Variants in KCNT2 observed in about 807,000 individuals in gnomAD.
The protein encoded by KCNT2 is potassium sodium-activated channel subfamily T member 2.
A neutral mutation model predicts 153.8 loss-of-function variants in KCNT2; 67 were observed. That is an observed-to-expected ratio of 0.44 (90% CI 0.36 to 0.53). KCNT2 has a LOEUF of 0.53. KCNT2 is among the 20% of genes least tolerant of loss of function. The pLI is 0.00. For missense variants in KCNT2, 975 were observed against 1,354.8 expected (o/e 0.72, Z 4.40); for synonymous variants, 500 against 458.8 (o/e 1.09, Z -1.15).
intron 11 of KCNT2, among the ~76,000 whole-genome samples, chr1:196,424,881 C>T (rs1673517584): frequency 6.6e-6 from 1 of 151,576 alleles, no homozygotes; most frequent in South Asian, 2.1e-4. Flanking sequence ...GACACACACA[C>T]ACACATACAC....
chr1:196,566,647 T>C (rs1660148798), intron 1 of KCNT2, among the ~76,000 whole-genome samples: 1 of 152,032 alleles, frequency 6.6e-6, no homozygotes, highest in Non-Finnish European at 1.5e-5. Flanking sequence ...TTACCCATAG[T>C]TTCACAATGA....
chr1:196,474,210 A>C (rs1207411990), intron 5 of KCNT2, among the ~76,000 whole-genome samples: 1 of 152,142 alleles, frequency 6.6e-6, no homozygotes, highest in African/African-American at 2.4e-5. Context: ...TGGAACTACT[A>C]TCTGTGCAAC....
chr1:196,404,096 T>C (rs1050150594), intron 12 of KCNT2: 3 of 909,628 alleles, frequency 3.3e-6, no homozygotes, highest in African/African-American at 3.6e-5. Context: ...AAAATACTAA[T>C]AGATACTAAA....
intron 8 of KCNT2, among the ~76,000 whole-genome samples, chr1:196,431,207 C>T (rs1007012042): frequency 5.9e-5 from 9 of 152,078 alleles, no homozygotes; most frequent in Admixed American, 1.3e-4. Flanking sequence ...ATAAATTACC[C>T]AGTCTCAAGT....
intron 2 of KCNT2, 136 bp from the exon 3 acceptor site, chr1:196,490,073 C>T: frequency 2.3e-6 from 1 of 434,678 alleles, no homozygotes. Flanking sequence ...ATTGTCTAAA[C>T]TCTCTGAAGT....
intron 25 of KCNT2, among the ~76,000 whole-genome samples, chr1:196,273,035 T>C (rs980358338): frequency 2.0e-5 from 3 of 151,846 alleles, no homozygotes; most frequent in Non-Finnish European, 2.9e-5. Context: ...CTGAAATAAA[T>C]CAGTCTGAAA....
intron 8 of KCNT2, among the ~76,000 whole-genome samples, chr1:196,452,066 TCA>T (rs1676259659): frequency 6.6e-6 from 1 of 151,984 alleles, no homozygotes; most frequent in African/African-American, 2.4e-5. Context: ...AAGTTTAAAT[TCA>T]CACAGACTTA....
chr1:196,511,333 G>T (rs1316932768), intron 1 of KCNT2, among the ~76,000 whole-genome samples: 1 of 152,056 alleles, frequency 6.6e-6, no homozygotes, highest in East Asian at 1.9e-4. Flanking sequence ...ACCTTCCAAA[G>T]AAATCTCCTA....
chr1:196,239,233 C>T (rs529744624), intron 26 of KCNT2, among the ~76,000 whole-genome samples: 17 of 151,608 alleles, frequency 1.1e-4, no homozygotes, highest in South Asian at 6.2e-4. Context: ...AACCAAAATA[C>T]GACATTAGCA....
At chr1:196,603,537 C>A (rs1309143378) in intron 1 of KCNT2, among the ~76,000 whole-genome samples, 1 of 152,060 alleles carries the variant, frequency 6.6e-6, no homozygotes, top group Non-Finnish European at 1.5e-5. Flanking sequence ...ATTCCAAATG[C>A]TGTGGAAATA....
intron 8 of KCNT2, among the ~76,000 whole-genome samples, chr1:196,455,796 T>C (rs1676617418): frequency 6.6e-6 from 1 of 152,006 alleles, no homozygotes; most frequent in Non-Finnish European, 1.5e-5. Flanking sequence ...TCTTTGCTCC[T>C]GGGGGCCAGC....
intron 21 of KCNT2, among the ~76,000 whole-genome samples, chr1:196,312,323 C>T (rs1662264182): frequency 6.6e-6 from 1 of 151,586 alleles, no homozygotes; most frequent in Non-Finnish European, 1.5e-5. Flanking sequence ...TTTGGAACCT[C>T]TGGACTGGAG....
chr1:196,589,651 T>A (rs1158125077), intron 1 of KCNT2, among the ~76,000 whole-genome samples: 1 of 152,112 alleles, frequency 6.6e-6, no homozygotes, highest in African/African-American at 2.4e-5. Context: ...TGTGTATTTG[T>A]GACATTTATT....
intron 14 of KCNT2, among the ~76,000 whole-genome samples, chr1:196,363,644 A>G (rs1667805814): frequency 6.6e-6 from 1 of 152,146 alleles, no homozygotes; most frequent in African/African-American, 2.4e-5. Context: ...CCTCCTCATT[A>G]GCTCCCTTTA....
chr1:196,323,790 A>G (rs773992376), intron 19 of KCNT2, among the ~76,000 whole-genome samples: 1 of 151,834 alleles, frequency 6.6e-6, no homozygotes, highest in Non-Finnish European at 1.5e-5. Flanking sequence ...ACTCATGTGA[A>G]TTTTAAGTCA....
At chr1:196,599,240 A>AAT (rs1163508220) in intron 1 of KCNT2, among the ~76,000 whole-genome samples, 1 of 152,250 alleles carries the variant, frequency 6.6e-6, no homozygotes, top group Non-Finnish European at 1.5e-5. Flanking sequence ...AGTTGTTTAT[A>AAT]ATATGTGGAC....
At chr1:196,544,370 T>C (rs1656791443) in intron 1 of KCNT2, among the ~76,000 whole-genome samples, 1 of 151,904 alleles carries the variant, frequency 6.6e-6, no homozygotes, top group Non-Finnish European at 1.5e-5. Context: ...CCCACCTAAA[T>C]TGATGGTCTT....
At chr1:196,375,207 A>G (rs981122829) in intron 13 of KCNT2, among the ~76,000 whole-genome samples, 4 of 151,086 alleles carry the variant, frequency 2.6e-5, no homozygotes, top group African/African-American at 9.8e-5. Context: ...TGTACTAATC[A>G]GAGAAAATTA....
In KCNT2 at chr1:196,608,312, T is replaced by C; in HGVS notation, c.-3A>G. The C allele has an allele frequency of 6.2e-7, 1 of 1,611,262 alleles. No individual in the cohort carries two copies. Among genetic ancestry groups the C allele is most frequent in the Non-Finnish European group, 8.5e-7 (1 of 1,177,432 alleles). ...ACTTCGCTCTCCAAATCAACCATCC[T>C]TCCTCAAAGAGTGGGAAACATCAAA... On this transcript the variant is annotated 5_prime_UTR_variant, in exon 1 of 28. Transcript: ENST00000294725.
Sources: allele counts gnomAD v4.1 joint callset (sites outside exome capture counted in the v4.1 genomes callset), GRCh38; gene constraint gnomAD v4.1.1; transcripts MANE v1.5; gene names NCBI Gene and HGNC (gene_info 2026-07-23, HGNC 2026-07-21).